Variants in INPP5F observed in about 807,000 individuals in gnomAD.
INPP5F encodes inositol polyphosphate-5-phosphatase F.
In INPP5F, 97 loss-of-function variants were observed where a neutral mutation model predicts 137.2. The ratio of observed to expected loss-of-function variants is 0.71; its 90% CI spans 0.60 to 0.84. The LOEUF is 0.84. INPP5F is among the 40% of genes least tolerant of loss of function. INPP5F has a pLI of 0.00. For synonymous variants in INPP5F, 504 were observed against 476.9 expected, an observed-to-expected ratio of 1.06 and a Z score of -0.74; for missense variants, 1,271 against 1,371.9, an observed-to-expected ratio of 0.93 and a Z score of 1.16.
chr10:119,749,710 TAACTC>T (rs761782273), intron 1 of INPP5F, among the ~76,000 whole-genome samples: 1 of 152,222 alleles, frequency 6.6e-6, no homozygotes, highest in African/African-American at 2.4e-5. Context: ...TCCTTAAACT[TAACTC>T]AGAGTTGTCA....
rs760601527 is a variant in INPP5F at position 119,827,474 on chromosome 10, G to A, written c.3093G>A (p.Ala1031=). The A allele has an allele frequency of 6.8e-6, 11 of 1,614,150 alleles. No homozygotes were observed. In the South Asian group the frequency reaches 9.9e-5, roughly 15 times the overall value. The change falls in exon 20 of 20, where the codon GCG becomes GCA. Residue 1031 remains alanine, a synonymous_variant. Coordinates refer to ENST00000650623, the MANE Select transcript of INPP5F (RefSeq NM_014937.4). ...CACAGTTTTTGTCAGTTGAGCCAGC[G>A]CATTCAGTTGCATCTCAAAAAACCC... ...TGPQFLSVEP[A]HSVASQKTPT...
intron 2 of INPP5F, among the ~76,000 whole-genome samples, chr10:119,771,917 A>C (rs2134163012): frequency 1.6e-5 from 1 of 61,860 alleles, no homozygotes; most frequent in East Asian, 5.6e-4. Flanking sequence ...TTTTTTTGAG[A>C]TGGAGTCTCA....
chr10:119,794,631 G>A (rs1172913183), intron 6 of INPP5F, among the ~76,000 whole-genome samples: 121 of 150,918 alleles, frequency 8.0e-4, no homozygotes, highest in African/African-American at 2.1e-3. Context: ...CGTACGGGGC[G>A]GCTGGCCAGG....
intron 2 of INPP5F, among the ~76,000 whole-genome samples, chr10:119,751,368 A>G (rs1455248495): frequency 6.6e-6 from 1 of 152,232 alleles, no homozygotes; most frequent in Non-Finnish European, 1.5e-5. Context: ...AAGAGTAATC[A>G]TGGAAATAAA....
chr10:119,800,716 C>T (rs1009266033), intron 9 of INPP5F, among the ~76,000 whole-genome samples: 1 of 152,002 alleles, frequency 6.6e-6, no homozygotes, highest in African/African-American at 2.4e-5. Context: ...AAAGCCGCTA[C>T]TCAACACACC....
chr10:119,740,940 C>G (rs551216613), intron 1 of INPP5F, among the ~76,000 whole-genome samples: 4 of 152,200 alleles, frequency 2.6e-5, no homozygotes, highest in Non-Finnish European at 5.9e-5. Context: ...CATTTCTCAA[C>G]TTGATGTGAA....
intron 9 of INPP5F, among the ~76,000 whole-genome samples, chr10:119,803,566 A>C (rs1018221802): frequency 3.9e-5 from 6 of 152,222 alleles, no homozygotes; most frequent in African/African-American, 1.2e-4. Context: ...CAATGGGACA[A>C]GTCCCTTTTT....
Position 119,796,839 on chromosome 10 carries a change from AG to A in INPP5F, c.795del (p.Glu265AspfsTer5), listed in dbSNP as rs2134222837. 3 of 1,613,874 alleles carry A rather than the reference AG, an allele frequency of 1.9e-6. No individual in the cohort carries two copies. The highest frequency in any genetic ancestry group is 2.5e-6 in the Non-Finnish European group (3 of 1,179,938). On this transcript the variant is annotated frameshift_variant, in exon 7 of 20. Coordinates refer to ENST00000650623, the MANE Select transcript of INPP5F (RefSeq NM_014937.4). LOFTEE classifies it high-confidence loss of function. ...AGCAGCCCAGAGACCCCCCCTCAGG[AG>A]TCCACCTGTGTAGATGATATTCACC... Reference protein sequence around the residue: ...EKSSPETPPQESTCVDDIHPR... With the variant: ...EKSSPETPPQXSTCVDDIHPR...
At chr10:119,788,582 A>C (rs1202166353) in intron 3 of INPP5F, among the ~76,000 whole-genome samples, 1 of 152,168 alleles carries the variant, frequency 6.6e-6, no homozygotes. Flanking sequence ...TGCCCCAATC[A>C]GACTATAGTC....
chr10:119,828,163 A>G lies in INPP5F; in HGVS notation c.*383A>G, dbSNP rs1051497241. The G allele has an allele frequency of 1.2e-5, 2 of 167,290 alleles. No individual in the cohort carries two copies. Among genetic ancestry groups the G allele is most frequent in the African/African-American group, 4.8e-5 (2 of 41,602 alleles). The allele number at this position is 167,290 out of a possible 1,614,324, so 10.4% of individuals were successfully genotyped here. ...TTTTTCATAATTTGTTCTGTTTGTCAGTTCATTCCTGTGTGTTCTTACCTC... is the reference window on the plus strand; with the variant it reads ...TTTTTCATAATTTGTTCTGTTTGTCGGTTCATTCCTGTGTGTTCTTACCTC... On this transcript the variant is annotated 3_prime_UTR_variant, in exon 20 of 20. Transcript: ENST00000650623.
chr10:119,783,745 T>G (rs1053145307), intron 3 of INPP5F, among the ~76,000 whole-genome samples: 1 of 152,198 alleles, frequency 6.6e-6, no homozygotes, highest in Non-Finnish European at 1.5e-5. Context: ...GGGAAAGAGA[T>G]TATATTCAAA....
At chr10:119,818,378 A>G (rs946358650) in intron 15 of INPP5F, among the ~76,000 whole-genome samples, 1 of 152,216 alleles carries the variant, frequency 6.6e-6, no homozygotes, top group African/African-American at 2.4e-5. Flanking sequence ...CAGCAGTGGT[A>G]ATGGAGTGGC....
Position 119,796,844 on chromosome 10 carries a change from A to G in INPP5F, c.799A>G (p.Thr267Ala). Residue 267 changes from threonine (T) to alanine (A), a missense_variant, in exon 7 of 20, where the codon ACC (threonine) becomes GCC (alanine). Physicochemically the swap from Thr to Ala is moderately conservative, Grantham distance 58. This residue lies in a region of INPP5F where 593 missense variants were observed against 712.4 expected (regional missense o/e 0.83). Coordinates refer to ENST00000650623, the MANE Select transcript of INPP5F (RefSeq NM_014937.4). ...SSPETPPQES[T>A]CVDDIHPRFL... ...CCCAGAGACCCCCCCTCAGGAGTCC[A>G]CCTGTGTAGATGATATTCACCCACG... 1 of 1,614,030 alleles carries G rather than the reference A, an allele frequency of 6.2e-7. No individual in the cohort carries two copies. The highest frequency in any genetic ancestry group is 8.5e-7 in the Non-Finnish European group (1 of 1,179,976).
chr10:119,814,427 C>A (rs1851179796), intron 15 of INPP5F: 1 of 152,146 alleles, frequency 6.6e-6, no homozygotes, highest in African/African-American at 2.4e-5. Context: ...ATAAAAGTTC[C>A]CAATGAAGAA....
chr10:119,803,204 G>A (rs1210635755), intron 9 of INPP5F, among the ~76,000 whole-genome samples: 1 of 152,140 alleles, frequency 6.6e-6, no homozygotes, highest in East Asian at 1.9e-4. Flanking sequence ...TGCTTAGAAA[G>A]TCATGCTCCA....
rs758142834 is a variant in INPP5F at position 119,797,452 on chromosome 10, T to G, written c.869-9T>G. On this transcript the variant is annotated splice_polypyrimidine_tract_variant and intron_variant, in intron 7 of 19. Transcript: ENST00000650623. ...AATGTTGCTGTTTTCTGTTTTAATT[T>G]TCTTTCAGGAATGCGCTATAAACGA... 6.3e-7 allele frequency: 1 copy of G among 1,589,714 alleles called. No individual in the cohort carries two copies. The highest frequency in any genetic ancestry group is 1.8e-5 in the Admixed American group (1 of 56,538).
At chr10:119,797,255 G>C (rs895581036) in intron 7 of INPP5F, among the ~76,000 whole-genome samples, 1 of 152,120 alleles carries the variant, frequency 6.6e-6, no homozygotes, top group Non-Finnish European at 1.5e-5. Flanking sequence ...TTCTCTTTCA[G>C]TTCAGAGGAA....
chr10:119,794,449 T>A (rs907742091), intron 6 of INPP5F, among the ~76,000 whole-genome samples: 8 of 152,026 alleles, frequency 5.3e-5, no homozygotes, highest in Non-Finnish European at 1.0e-4. Context: ...ACCATCCGAT[T>A]TCTCAATCTT....
At chr10:119,792,546 AG>A (rs1162280730) in intron 6 of INPP5F, among the ~76,000 whole-genome samples, 3 of 147,322 alleles carry the variant, frequency 2.0e-5, no homozygotes, top group African/African-American at 7.5e-5. Flanking sequence ...GTTTGAGCCC[AG>A]TTTTCCTGAA....
Sources: allele counts gnomAD v4.1 joint callset (sites outside exome capture counted in the v4.1 genomes callset), GRCh38; gene constraint gnomAD v4.1.1; regional missense constraint gnomAD v4.1.1; transcripts MANE v1.5; gene names NCBI Gene and HGNC (gene_info 2026-07-23, HGNC 2026-07-21).